PTPRN2: variants seen among roughly 807,000 people sequenced by gnomAD.
PTPRN2 encodes protein tyrosine phosphatase receptor type N2, also known as receptor-type tyrosine-protein phosphatase N2.
Under a neutral mutation model 118.8 loss-of-function variants are expected in PTPRN2, and 74 were observed. The observed-to-expected ratio is 0.62, with a 90% CI of 0.52 to 0.76. PTPRN2 has a LOEUF of 0.76. PTPRN2 is among the 30% of genes least tolerant of loss of function. PTPRN2 has a pLI of 0.00. For missense variants in PTPRN2, 1,481 were observed against 1,394.4 expected, an observed-to-expected ratio of 1.06 and a Z score of -0.99; for synonymous variants, 641 against 608.0, an observed-to-expected ratio of 1.05 and a Z score of -0.80.
intron 5 of PTPRN2, among the ~76,000 whole-genome samples, chr7:158,181,539 A>C (rs941699241): frequency 6.6e-6 from 1 of 152,154 alleles, no homozygotes; most frequent in East Asian, 1.9e-4. Context: ...TGTCTGGTAT[A>C]ATTCAGCTGT....
rs540884225 is a variant in PTPRN2, at chr7:157,556,338, C to T, written c.2903-7319G>A. On this transcript the variant is annotated intron_variant, in intron 21 of 22. Coordinates refer to ENST00000389418, the MANE Select transcript of PTPRN2 (RefSeq NM_002847.5). Reference sequence around the variant, plus strand: ...ACACACACACCCACACTCACACTCACGTCATACATATGCACATGTGCACAC... The same window carrying T: ...ACACACACACCCACACTCACACTCATGTCATACATATGCACATGTGCACAC... 2.7e-4 allele frequency among the ~76,000 whole-genome samples: 39 copies of T among 144,232 alleles called. No homozygotes were observed. In the East Asian group the frequency reaches 5.9e-3, roughly 22 times the overall value. 94.6% of individuals were successfully genotyped at this position (144,232 alleles called of 152,430 possible). A position where few individuals can be genotyped will look rare whatever the true frequency, so the allele number is the denominator to read the frequency against.
rs189854732 is a variant in PTPRN2, at chr7:158,268,938, G to A, written c.277+47881C>T. On this transcript the variant is annotated intron_variant, in intron 3 of 22. Coordinates refer to ENST00000389418, the MANE Select transcript of PTPRN2 (RefSeq NM_002847.5). ...ATCCCAGCCGCGTGCACACAGGGCG[G>A]GTGTGAAATATCGCAGCCACATTGT... 5.3e-4 allele frequency among the ~76,000 whole-genome samples: 81 copies of A among 151,436 alleles called. 1 individual carries two copies. Among genetic ancestry groups the A allele is most frequent in the South Asian group, 1.5e-3 (7 of 4,818 alleles).
chr7:158,327,546 ATC>A (rs1554460024), intron 2 of PTPRN2, among the ~76,000 whole-genome samples: 2 of 146,536 alleles, frequency 1.4e-5, no homozygotes, highest in East Asian at 1.9e-4. Flanking sequence ...TGTACACACT[ATC>A]TGTTCTCACA....
At chr7:157,774,032 A>C (rs545700517) in intron 12 of PTPRN2, among the ~76,000 whole-genome samples, 51 of 152,346 alleles carry the variant, frequency 3.3e-4, no homozygotes, top group Non-Finnish European at 2.6e-4. Flanking sequence ...CATAGGGAAA[A>C]CAAGAATGGG....
chr7:157,868,030 G>A lies in PTPRN2; in HGVS notation c.1788+30643C>T, dbSNP rs149059941. Among the ~76,000 whole-genome samples the A allele has an allele frequency of 2.0e-5, 3 of 152,320 alleles. No homozygotes were observed. Among genetic ancestry groups the A allele is most frequent in the African/African-American group, 7.2e-5 (3 of 41,580 alleles). The stretch of plus-strand genomic sequence containing the variant: ...GAGCCCTGGAGATTAACTCACTGCC[G>A]CAGGTAGGATCACCTGAGTCCTCTA... On this transcript the variant is annotated intron_variant, in intron 12 of 22. Coordinates refer to ENST00000389418, the MANE Select transcript of PTPRN2 (RefSeq NM_002847.5). This position sits in a 1 kb window ranked among gnomAD's most constrained non-coding sequence, Gnocchi z 5.2.
intron 1 of PTPRN2, among the ~76,000 whole-genome samples, chr7:158,530,344 G>C (rs1825122841): frequency 6.6e-6 from 1 of 152,222 alleles, no homozygotes; most frequent in Non-Finnish European, 1.5e-5. Flanking sequence ...GAGGAAAACA[G>C]AACAAGCATA....
intron 2 of PTPRN2, among the ~76,000 whole-genome samples, chr7:158,327,141 A>G (rs550074157): frequency 9.5e-4 from 19 of 19,906 alleles, no homozygotes; most frequent in African/African-American, 2.1e-3. Flanking sequence ...ACACACTCAT[A>G]TCCACACACG....
At chr7:158,197,025 T>A (rs1585817834) in intron 4 of PTPRN2, among the ~76,000 whole-genome samples, 1 of 152,138 alleles carries the variant, frequency 6.6e-6, no homozygotes, top group African/African-American at 2.4e-5. Flanking sequence ...TGTATATACA[T>A]GTATGTGTGT....
intron 11 of PTPRN2, among the ~76,000 whole-genome samples, chr7:158,057,983 A>C (rs1809929673): frequency 1.3e-5 from 2 of 152,254 alleles, no homozygotes; most frequent in African/African-American, 2.4e-5. Flanking sequence ...CATATACAGA[A>C]TGCTTCCTTA....
intron 2 of PTPRN2, among the ~76,000 whole-genome samples, chr7:158,337,732 C>T (rs369200811): frequency 2.2e-5 from 1 of 46,300 alleles, no homozygotes; most frequent in Non-Finnish European, 4.6e-5. Flanking sequence ...AGACGTCACT[C>T]ACAACCACAC....
At chr7:158,571,618 A>T (rs1425872415) in intron 1 of PTPRN2, among the ~76,000 whole-genome samples, 1 of 143,168 alleles carries the variant, frequency 7.0e-6, no homozygotes, top group Non-Finnish European at 1.5e-5. Flanking sequence ...CACTTGGAAG[A>T]GGGTCAAGCA....
At chr7:158,573,649 C>T (rs1459795409) in intron 1 of PTPRN2, among the ~76,000 whole-genome samples, 2 of 152,134 alleles carry the variant, frequency 1.3e-5, no homozygotes, top group Non-Finnish European at 2.9e-5. Context: ...ACTTATGAAT[C>T]GATGAAACTG....
At chr7:157,812,755 C>T (rs1806136633) in intron 12 of PTPRN2, among the ~76,000 whole-genome samples, 2 of 152,134 alleles carry the variant, frequency 1.3e-5, no homozygotes. Flanking sequence ...CCCGTGATTT[C>T]ACCTGTCTGA....
At chr7:158,293,711 CT>C (rs1032835059) in intron 3 of PTPRN2, among the ~76,000 whole-genome samples, 1 of 151,688 alleles carries the variant, frequency 6.6e-6, no homozygotes, top group African/African-American at 2.4e-5. Context: ...ATTCTATAAG[CT>C]TTTTCCTATT....
intron 11 of PTPRN2, among the ~76,000 whole-genome samples, chr7:158,038,969 C>T (rs1017422222): frequency 6.6e-6 from 1 of 151,906 alleles, no homozygotes. Flanking sequence ...CAGATACAGA[C>T]AAATGAAAAT....
At chr7:158,074,212 G>T (rs1812169734) in intron 11 of PTPRN2, among the ~76,000 whole-genome samples, 1 of 152,178 alleles carries the variant, frequency 6.6e-6, no homozygotes, top group Non-Finnish European at 1.5e-5. Flanking sequence ...AGGGCCTTCT[G>T]CTGGATTTCA....
chr7:157,959,980 G>T (rs540727813), intron 11 of PTPRN2, among the ~76,000 whole-genome samples: 2 of 152,164 alleles, frequency 1.3e-5, no homozygotes, highest in Non-Finnish European at 2.9e-5. Context: ...GTCTATACAC[G>T]GCGGGGTATT....
intron 1 of PTPRN2, among the ~76,000 whole-genome samples, chr7:158,502,990 ACT>A (rs1822481216): frequency 6.8e-6 from 1 of 147,768 alleles, no homozygotes; most frequent in Non-Finnish European, 1.5e-5. Flanking sequence ...TCCATCAGCC[ACT>A]GTGTCCATCA....
At chr7:158,145,504 C>A (rs972420211) in intron 6 of PTPRN2, among the ~76,000 whole-genome samples, 8 of 152,188 alleles carry the variant, frequency 5.3e-5, no homozygotes, top group African/African-American at 1.9e-4. Context: ...CAGGCATCCA[C>A]CCTTGAGAAA....
Sources: allele counts gnomAD v4.1 joint callset (sites outside exome capture counted in the v4.1 genomes callset), GRCh38; gene constraint gnomAD v4.1.1; non-coding constraint Gnocchi (gnomAD v3.1); transcripts MANE v1.5; gene names NCBI Gene and HGNC (gene_info 2026-07-23, HGNC 2026-07-21).